P2RX7: variants seen among roughly 807,000 people sequenced by gnomAD.
The protein encoded by P2RX7 is P2X purinoceptor 7.
P2RX7 carries 62 observed loss-of-function variants against 71.6 expected under a neutral mutation model. The ratio of observed to expected loss-of-function variants is 0.87; its 90% confidence interval spans 0.71 to 1.07. The LOEUF is 1.07. Ranked by LOEUF, P2RX7 falls within the 50% of genes least tolerant of loss-of-function variation. The pLI, the probability that P2RX7 is intolerant of heterozygous loss-of-function variation, is 0.00. For synonymous variants in P2RX7, 299 were observed against 283.3 expected (o/e 1.06, Z -0.56); for missense variants, 686 against 748.5 (o/e 0.92, Z 0.97).
intron 1 of P2RX7, among the ~76,000 whole-genome samples, chr12:121,151,609 T>C (rs188203892): frequency 2.6e-5 from 4 of 152,160 alleles, no homozygotes; most frequent in African/African-American, 9.7e-5. Context: ...ATAAAAAATA[T>C]AATTTTTTAT....
chr12:121,139,947 G>A (rs1013472283), intron 1 of P2RX7, among the ~76,000 whole-genome samples: 1 of 152,102 alleles, frequency 6.6e-6, no homozygotes, highest in Admixed American at 6.5e-5. Flanking sequence ...GGCTAGGCTG[G>A]TCTCGAACTC....
chr12:121,155,356 T>C, intron 2 of P2RX7: 2 of 1,295,834 alleles, frequency 1.5e-6, no homozygotes, highest in Non-Finnish European at 2.0e-6. Flanking sequence ...CAAAAATGAC[T>C]CCAGGAGACC....
Position 121,184,295 on chromosome 12 carries a change from G to A in P2RX7, c.1291-10G>A, listed in dbSNP as rs1258551232. 1 of 1,577,738 alleles carries A rather than the reference G, an allele frequency of 6.3e-7. No homozygotes were observed. The highest frequency in any genetic ancestry group is 1.2e-5 in the South Asian group (1 of 86,378). On this transcript the variant is annotated splice_polypyrimidine_tract_variant and intron_variant, in intron 12 of 12. Transcript: ENST00000328963. ...TCATGGCTAATAGGTTTGGAAACTT[G>A]CTTTTTCAGAGACCTGCGATGGACT...
At chr12:121,165,873 T>A (rs574879033) in intron 6 of P2RX7, among the ~76,000 whole-genome samples, 185 bp from the exon 7 acceptor site, 2 of 152,320 alleles carry the variant, frequency 1.3e-5, no homozygotes, top group East Asian at 3.9e-4. Flanking sequence ...TTCTGCCATA[T>A]GCCATTGGTC....
At chr12:121,181,045 C>T (rs1385139742) in intron 12 of P2RX7, among the ~76,000 whole-genome samples, 3 of 152,136 alleles carry the variant, frequency 2.0e-5, no homozygotes, top group Admixed American at 1.3e-4. Context: ...TCAAGCAGTC[C>T]TCCCACCTCA....
intron 1 of P2RX7, 29 bp downstream of exon 1, chr12:121,133,124 C>T: frequency 6.2e-7 from 1 of 1,613,518 alleles, no homozygotes; most frequent in Non-Finnish European, 8.5e-7. Flanking sequence ...GGACCCAGAT[C>T]TCTGCAGTGG....
intron 8 of P2RX7, 81 bp downstream of exon 8, chr12:121,167,705 A>G (rs112803307): frequency 0.04 from 50,151 of 1,267,760 alleles, 1,160 homozygotes; most frequent in Non-Finnish European, 0.044. Flanking sequence ...TTGGTTTCCA[A>G]GGCAACAAGA....
intron 1 of P2RX7, among the ~76,000 whole-genome samples, chr12:121,147,009 A>C (rs1876338663): frequency 6.6e-6 from 1 of 152,290 alleles, no homozygotes; most frequent in Non-Finnish European, 1.5e-5. Context: ...GAGAATCCCA[A>C]AGAATTCACA....
chr12:121,154,983 C>T lies in P2RX7; in HGVS notation c.294+30C>T, dbSNP rs571622161. 8 of 1,611,626 alleles carry T rather than the reference C, an allele frequency of 5.0e-6. No homozygotes were observed. The highest frequency in any genetic ancestry group is 2.2e-5 in the East Asian group (1 of 44,862). Reference sequence around the variant, plus strand: ...GCACCTCGTAGCATTCTCCCAGGCTCGTCGCTGGTCACCGTCGCCAGGGCC... The same window carrying T: ...GCACCTCGTAGCATTCTCCCAGGCTTGTCGCTGGTCACCGTCGCCAGGGCC... On this transcript the variant is annotated intron_variant, in intron 2 of 12. Transcript: ENST00000328963. The surrounding 1 kb of genome is among the most constrained non-coding windows in gnomAD (Gnocchi z 4.2).
intron 4 of P2RX7, 139 bp from the exon 5 acceptor site, chr12:121,162,285 A>G: frequency 6.9e-7 from 1 of 1,446,422 alleles, no homozygotes; most frequent in Non-Finnish European, 9.1e-7. Flanking sequence ...GGCTTGATGG[A>G]AGCTGAAGCT....
intron 11 of P2RX7, among the ~76,000 whole-genome samples, chr12:121,178,553 A>G (rs1883545549): frequency 1.3e-5 from 2 of 152,230 alleles, no homozygotes; most frequent in Non-Finnish European, 2.9e-5. Flanking sequence ...ACACTTTGGG[A>G]GGCCGAGGCA....
At position 121,156,124 on chromosome 12, in the gene P2RX7, C is replaced by G; in HGVS notation, c.340C>G (p.Gln114Glu). The change falls in exon 3 of 13, where the codon CAA becomes GAA. Residue 114 changes from glutamine to glutamate, a missense_variant. Transcript: ENST00000328963. ...GACAAACTTTCTCAAAACAGAAGGC[C>G]AAGAGCAGCGGTTGTGTCCCGAGGT... The part of the protein sequence containing the change: ...VMTNFLKTEG[Q>E]EQRLCPEYPT... The G allele has an allele frequency of 6.2e-7, 1 of 1,614,114 alleles. No homozygotes were observed. Among genetic ancestry groups the G allele is most frequent in the Non-Finnish European group, 8.5e-7 (1 of 1,179,970 alleles).
In P2RX7 at chr12:121,141,174, C is replaced by T. The variant is rs750249392; in HGVS notation, c.125+8079C>T. On this transcript the variant is annotated intron_variant, in intron 1 of 12. Coordinates refer to ENST00000328963, the MANE Select transcript of P2RX7 (RefSeq NM_002562.6). ...TCTATCCGCATCCTTTTTTTCATGT[C>T]TAACACCAAAACACCAAAATAGCTG... Among the ~76,000 whole-genome samples, 7 of 152,170 alleles carry T rather than the reference C, an allele frequency of 4.6e-5. No homozygotes were observed. In the East Asian group the frequency reaches 5.8e-4, roughly 13 times the overall value.
intron 12 of P2RX7, among the ~76,000 whole-genome samples, chr12:121,184,081 T>C (rs1041423912): frequency 6.8e-6 from 1 of 146,956 alleles, no homozygotes; most frequent in Non-Finnish European, 1.5e-5. Flanking sequence ...AAAAAAAAAA[T>C]CTGTAAAATA....
Position 121,184,287 on chromosome 12 carries a change from G to A in P2RX7, c.1291-18G>A. 6.4e-7 allele frequency: 1 copy of A among 1,573,318 alleles called. No individual in the cohort carries two copies. The highest frequency in any genetic ancestry group is 8.6e-7 in the Non-Finnish European group (1 of 1,160,108). ...AGGGCTTGTCATGGCTAATAGGTTT[G>A]GAAACTTGCTTTTTCAGAGACCTGC... On this transcript the variant is annotated intron_variant, in intron 12 of 12. Coordinates refer to ENST00000328963, the MANE Select transcript of P2RX7 (RefSeq NM_002562.6).
chr12:121,177,084 C>A, intron 9 of P2RX7, 63 bp from the exon 10 acceptor site: 1 of 1,436,262 alleles, frequency 7.0e-7, no homozygotes, highest in Non-Finnish European at 9.8e-7. Flanking sequence ...AACAATTGCA[C>A]GTTGAAGCAA....
chr12:121,164,391 G>C (rs898320337), intron 5 of P2RX7, among the ~76,000 whole-genome samples: 44 of 152,234 alleles, frequency 2.9e-4, no homozygotes, highest in Admixed American at 2.0e-4. Context: ...TACGGAGCAA[G>C]TCTCAACCAC....
At chr12:121,182,263 C>T (rs184290534) in intron 12 of P2RX7, among the ~76,000 whole-genome samples, 262 of 152,260 alleles carry the variant, frequency 1.7e-3, no homozygotes, top group African/African-American at 6.0e-3. Context: ...AGGATTTTTA[C>T]ATCTCTTCTT....
In P2RX7 at chr12:121,178,791, C is replaced by CAAAAAA. The variant is rs386377968; in HGVS notation, c.1188+1362_1188+1367dup. On this transcript the variant is annotated intron_variant, in intron 11 of 12. Coordinates refer to ENST00000328963, the MANE Select transcript of P2RX7 (RefSeq NM_002562.6). ...TGAGTGACAGAGGGAAACTCTGTCT[C>CAAAAAA]AAAAAAAAAAAAAAAAAAAAAATTA... 5.0e-4 allele frequency among the ~76,000 whole-genome samples: 33 copies of CAAAAAA among 66,468 alleles called. 1 individual carries two copies. Among genetic ancestry groups the CAAAAAA allele is most frequent in the African/African-American group, 1.9e-3 (31 of 16,640 alleles). 43.6% of individuals were successfully genotyped at this position (66,468 alleles called of 152,430 possible).
Sources: allele counts gnomAD v4.1 joint callset (sites outside exome capture counted in the v4.1 genomes callset), GRCh38; gene constraint gnomAD v4.1.1; non-coding constraint Gnocchi (gnomAD v3.1); transcripts MANE v1.5; gene names NCBI Gene and HGNC (gene_info 2026-07-23, HGNC 2026-07-21).